Variants in ATG7 observed in about 807,000 individuals in gnomAD.
ATG7 encodes the protein autophagy related 7, also known as ubiquitin-like modifier-activating enzyme ATG7.
Under a neutral mutation model 82.4 loss-of-function variants are expected in ATG7, and 70 were observed. The ratio of observed to expected loss-of-function variants is 0.85; its 90% CI spans 0.70 to 1.04. ATG7 has a LOEUF of 1.04. ATG7 is among the 50% of genes least tolerant of loss of function. The pLI is 0.00. For missense variants in ATG7, 792 were observed against 864.3 expected (o/e 0.92, Z 1.05); for synonymous variants, 287 against 313.0 (o/e 0.92, Z 0.88).
chr3:11,319,318 A>G (rs1213941615), intron 9 of ATG7, among the ~76,000 whole-genome samples: 1 of 152,128 alleles, frequency 6.6e-6, no homozygotes, highest in Non-Finnish European at 1.5e-5. Context: ...TTTCAAAAAT[A>G]GGCATTCTTT....
chr3:11,410,753 T>C (rs1270722203), intron 19 of ATG7, among the ~76,000 whole-genome samples: 2 of 152,244 alleles, frequency 1.3e-5, no homozygotes, highest in African/African-American at 2.4e-5. Flanking sequence ...CTCTTTAAGG[T>C]TGAATAATAT....
chr3:11,451,918 C>CAT (rs145168762), intron 20 of ATG7, among the ~76,000 whole-genome samples: 1,924 of 150,802 alleles, frequency 0.013, 43 homozygotes, highest in African/African-American at 0.041. Flanking sequence ...CACACACACA[C>CAT]ATATACATAT....
intron 20 of ATG7, among the ~76,000 whole-genome samples, chr3:11,498,177 A>C (rs993796170): frequency 6.6e-6 from 1 of 152,226 alleles, no homozygotes; most frequent in Non-Finnish European, 1.5e-5. Flanking sequence ...ATACATATGT[A>C]CATAACCCAC....
intron 20 of ATG7, among the ~76,000 whole-genome samples, chr3:11,442,361 G>A (rs537093355): frequency 3.3e-5 from 5 of 152,226 alleles, no homozygotes; most frequent in African/African-American, 1.2e-4. Context: ...ACTCCACAAA[G>A]TTGATGTGCT....
At chr3:11,360,233 G>T (rs998981908) in intron 15 of ATG7, among the ~76,000 whole-genome samples, 1 of 152,164 alleles carries the variant, frequency 6.6e-6, no homozygotes, top group Non-Finnish European at 1.5e-5. Flanking sequence ...TTTTAATAGA[G>T]ACAGGGTTTC....
At chr3:11,440,546 G>A (rs1464458475) in intron 20 of ATG7, among the ~76,000 whole-genome samples, 8 of 150,052 alleles carry the variant, frequency 5.3e-5, no homozygotes, top group African/African-American at 1.7e-4. Flanking sequence ...GGATGGTCTC[G>A]ATCTCCTGAC....
chr3:11,342,256 T>C lies in ATG7; in HGVS notation c.1102T>C (p.Cys368Arg), dbSNP rs1364397711. 6.2e-7 allele frequency: 1 copy of C among 1,613,560 alleles called. No homozygotes were observed. Among genetic ancestry groups the C allele is most frequent in the Admixed American group, 1.7e-5 (1 of 59,934 alleles). ...CLLLGAGTLG[C>R]NVARTLMGWG... Reference sequence around the variant, plus strand: ...GCTGCTTGGAGCCGGCACCTTGGGTTGCAATGTAGCTAGGACGTTGATGGT... The same window carrying C: ...GCTGCTTGGAGCCGGCACCTTGGGTCGCAATGTAGCTAGGACGTTGATGGT... The change falls in exon 13 of 21, where the codon TGC (cysteine) becomes CGC (arginine). Residue 368 changes from cysteine to arginine, a missense_variant. Physicochemically the swap from Cys to Arg is radical, Grantham distance 180 (BLOSUM62 -3). Transcript: ENST00000693202.
chr3:11,294,017 C>CAAAAA (rs148344958), intron 3 of ATG7, among the ~76,000 whole-genome samples: 1 of 98,448 alleles, frequency 1.0e-5, no homozygotes, highest in African/African-American at 4.0e-5. Flanking sequence ...GACTCCGTCT[C>CAAAAA]AAAAAAAAAA....
At chr3:11,360,392 C>T (rs1347688003) in intron 15 of ATG7, among the ~76,000 whole-genome samples, 189 bp from the exon 16 acceptor site, 1 of 152,194 alleles carries the variant, frequency 6.6e-6, no homozygotes, top group Non-Finnish European at 1.5e-5. Flanking sequence ...TTATGTTCAT[C>T]ACTTATCAAG....
intron 7 of ATG7, among the ~76,000 whole-genome samples, chr3:11,311,773 A>G (rs1276866322): frequency 1.3e-5 from 2 of 152,080 alleles, no homozygotes; most frequent in East Asian, 3.8e-4. Context: ...TAGACAGTTC[A>G]TTAATTTCAG....
At chr3:11,425,212 C>G (rs1259398686) in intron 19 of ATG7, among the ~76,000 whole-genome samples, 1 of 152,188 alleles carries the variant, frequency 6.6e-6, no homozygotes, top group Admixed American at 6.5e-5. Context: ...AGTCCTCCTG[C>G]CTTGGCCACC....
intron 19 of ATG7, among the ~76,000 whole-genome samples, chr3:11,426,064 G>A (rs184023318): frequency 0.03 from 4,157 of 140,724 alleles, 86 homozygotes; most frequent in South Asian, 0.082. Flanking sequence ...CATGAATAGC[G>A]CTGCTGTGGA....
chr3:11,322,068 A>G (rs1423894041), intron 9 of ATG7, among the ~76,000 whole-genome samples: 5 of 152,198 alleles, frequency 3.3e-5, no homozygotes, highest in Admixed American at 1.3e-4. Flanking sequence ...ATGAAAGCTC[A>G]AAAGCAAATG....
chr3:11,444,257 T>C (rs1265024072), intron 20 of ATG7, among the ~76,000 whole-genome samples: 1 of 152,212 alleles, frequency 6.6e-6, no homozygotes, highest in Non-Finnish European at 1.5e-5. Flanking sequence ...GTTTGGAGCA[T>C]TCTGGTATAT....
In ATG7 at chr3:11,556,145, T is replaced by C. The variant is rs1309757881; in HGVS notation, c.*1302T>C. 6.5e-6 allele frequency: 1 copy of C among 152,822 alleles called. No homozygotes were observed. The highest frequency in any genetic ancestry group is 1.9e-4 in the East Asian group (1 of 5,322). 9.5% of individuals were successfully genotyped at this position (152,822 alleles called of 1,614,324 possible). On this transcript the variant is annotated 3_prime_UTR_variant, in exon 21 of 21. Coordinates refer to ENST00000693202, the MANE Select transcript of ATG7 (RefSeq NM_001349232.2). ...AAAGATGGCCTGCCAAACCTTTTTT[T>C]TTCTTCTTCCAGGAAAAACAGGCCA...
chr3:11,275,357 C>CT lies in ATG7; in HGVS notation c.-366+2936dup, dbSNP rs967107561. 7.4e-5 allele frequency among the ~76,000 whole-genome samples: 9 copies of CT among 121,306 alleles called. No individual in the cohort carries two copies. In the East Asian group the frequency reaches 9.7e-4, roughly 13 times the overall value. 79.6% of individuals were successfully genotyped at this position (121,306 alleles called of 152,430 possible). On this transcript the variant is annotated intron_variant, in intron 1 of 20. Coordinates refer to ENST00000693202, the MANE Select transcript of ATG7 (RefSeq NM_001349232.2). ...CTTCCTCTCCTCTTTTTTTTTTTTT[C>CT]TTTTTTTTTGAGATGGAGTCTCACT...
chr3:11,349,554 A>G (rs1559448062), intron 14 of ATG7, among the ~76,000 whole-genome samples: 1 of 152,184 alleles, frequency 6.6e-6, no homozygotes, highest in Non-Finnish European at 1.5e-5. Flanking sequence ...AATAATAATA[A>G]TAATAAATAA....
At chr3:11,506,699 G>T (rs1294639219) in intron 20 of ATG7, among the ~76,000 whole-genome samples, 1 of 151,752 alleles carries the variant, frequency 6.6e-6, no homozygotes, top group African/African-American at 2.4e-5. Context: ...CTGAGATTGT[G>T]CCACTGCACT....
chr3:11,378,991 C>T (rs554029382), intron 18 of ATG7, among the ~76,000 whole-genome samples: 25 of 152,030 alleles, frequency 1.6e-4, no homozygotes, highest in Admixed American at 7.2e-4. Flanking sequence ...TGAAGACAAA[C>T]GCTGTGGTAT....
Sources: gnomAD v4.1 joint callset for allele counts (sites outside exome capture counted in the v4.1 genomes callset) on GRCh38, gnomAD v4.1.1 for gene constraint, MANE v1.5 for transcripts, NCBI Gene and HGNC (gene_info 2026-07-23, HGNC 2026-07-21) for gene names.